The following PKIB variants were observed in gnomAD, a reference collection of about 807,000 sequenced individuals.
PKIB encodes the protein PKI-beta.
A neutral mutation model predicts 4.5 loss-of-function variants in PKIB; 2 were observed. The observed-to-expected ratio is 0.44, with a 90% CI of 0.18 to 1.39. The LOEUF (loss-of-function observed/expected upper bound fraction) is 1.39, where lower values mean the gene tolerates loss of function less well. Among genes scored for constraint, PKIB ranks in the 40% most tolerant of loss-of-function variants. PKIB has a pLI of 0.27. For synonymous variants in PKIB, 38 were observed against 36.0 expected (o/e 1.06, Z -0.20); for missense variants, 94 against 92.6 (o/e 1.02, Z -0.06).
chr6:122,705,449 A>T (rs928602064), intron 3 of PKIB, among the ~76,000 whole-genome samples: 5 of 152,124 alleles, frequency 3.3e-5, no homozygotes, highest in African/African-American at 1.2e-4. Context: ...ATTTTCATAT[A>T]AATTTTTGGA....
chr6:122,495,750 T>A (rs1776060409), intron 2 of PKIB, among the ~76,000 whole-genome samples: 1 of 152,126 alleles, frequency 6.6e-6, no homozygotes, highest in Non-Finnish European at 1.5e-5. Context: ...GCGGAAGTAC[T>A]CTCACATTGG....
At chr6:122,537,769 G>C (rs922660611) in intron 2 of PKIB, among the ~76,000 whole-genome samples, 2 of 152,066 alleles carry the variant, frequency 1.3e-5, no homozygotes. Flanking sequence ...TTCCACAATG[G>C]TTGAACTAGT....
chr6:122,617,038 A>G (rs1399792708), intron 1 of PKIB, among the ~76,000 whole-genome samples: 1 of 152,160 alleles, frequency 6.6e-6, no homozygotes, highest in Non-Finnish European at 1.5e-5. Flanking sequence ...GCTCAGTAAA[A>G]ATGCCCAGCT....
Position 122,685,905 on chromosome 6 carries a change from A to G in PKIB, c.-9+10761A>G, listed in dbSNP as rs1305617142. ...CTCCCACAAATAACTGAGAACATGC[A>G]AAGTTTGTCTTTCTGTGCCTGGCTT... is the stretch of plus-strand genomic sequence containing the variant. On this transcript the variant is annotated intron_variant, in intron 3 of 4. Transcript: ENST00000368452. Among the ~76,000 whole-genome samples, 5 of 152,154 alleles carry G rather than the reference A, an allele frequency of 3.3e-5. No individual in the cohort carries two copies. The East Asian group carries it at 9.6e-4, about 29-fold the overall frequency.
rs536387642 is a variant in PKIB, at chr6:122,614,574, T to C, written c.-161+4039T>C. The stretch of plus-strand genomic sequence containing the variant: ...ACTGTAGGCTTTCTTTTTTTTTGGA[T>C]AAAGTAAAGGGAGAACTGAAGTCCA... On this transcript the variant is annotated intron_variant, in intron 1 of 4. Coordinates refer to ENST00000368452, the MANE Select transcript of PKIB (RefSeq NM_181795.3). Among the ~76,000 whole-genome samples, 20 of 151,946 alleles carry C rather than the reference T, an allele frequency of 1.3e-4. No homozygotes were observed. In the South Asian group the frequency reaches 4.0e-3, roughly 30 times the overall value.
At chr6:122,505,143 C>T (rs1040859299) in intron 2 of PKIB, among the ~76,000 whole-genome samples, 15 of 152,260 alleles carry the variant, frequency 9.9e-5, no homozygotes, top group Non-Finnish European at 1.2e-4. Flanking sequence ...GTATCTTTAT[C>T]GGAGAGTAGT....
chr6:122,702,325 A>G (rs9385267), intron 3 of PKIB, among the ~76,000 whole-genome samples: 35,345 of 132,840 alleles, frequency 0.27, 4,834 homozygotes, highest in East Asian at 0.47. Context: ...TTTTAAAAAA[A>G]CTTTTTTTTT....
chr6:122,693,447 A>C (rs1486018533), intron 3 of PKIB, among the ~76,000 whole-genome samples: 2 of 152,254 alleles, frequency 1.3e-5, no homozygotes, highest in African/African-American at 2.4e-5. Flanking sequence ...TCATACTAAA[A>C]TTCTTCAGCA....
chr6:122,557,971 C>G (rs1339811999), intron 2 of PKIB, among the ~76,000 whole-genome samples: 1 of 152,166 alleles, frequency 6.6e-6, no homozygotes, highest in Non-Finnish European at 1.5e-5. Flanking sequence ...ACCCTCCAAG[C>G]TCCCGATTTT....
At chr6:122,604,625 G>A (rs1207574482) in intron 3 of PKIB, among the ~76,000 whole-genome samples, 1 of 152,124 alleles carries the variant, frequency 6.6e-6, no homozygotes, top group Non-Finnish European at 1.5e-5. Context: ...GCTTAATTTC[G>A]ATTTAATAAG....
At position 122,717,948 on chromosome 6, in the gene PKIB, C is replaced by T. The variant is rs141912516; in HGVS notation, c.154C>T (p.Leu52Phe). The stretch of plus-strand genomic sequence containing the variant: ...AGATTTGCCCCTCAAACTGGAGGCT[C>T]TCTCCGTGAAGGAAGGTAATACTCA... ...TSDLPLKLEA[L>F]SVKEDAKEKD... Residue 52 changes from leucine (L) to phenylalanine (F), a missense_variant, in exon 4 of 5, where the codon CTC (leucine) becomes TTC (phenylalanine). Coordinates refer to ENST00000368452, the MANE Select transcript of PKIB (RefSeq NM_181795.3). 6.2e-7 allele frequency: 1 copy of T among 1,613,430 alleles called. No individual in the cohort carries two copies. Among genetic ancestry groups the T allele is most frequent in the Non-Finnish European group, 8.5e-7 (1 of 1,179,496 alleles).
chr6:122,653,105 G>A (rs953168443), intron 2 of PKIB, among the ~76,000 whole-genome samples: 17 of 152,172 alleles, frequency 1.1e-4, no homozygotes, highest in African/African-American at 4.1e-4. Flanking sequence ...GGCTAGTCAG[G>A]AAGAATTCTA....
intron 2 of PKIB, among the ~76,000 whole-genome samples, chr6:122,485,495 T>C (rs1327301291): frequency 2.0e-5 from 3 of 152,144 alleles, no homozygotes; most frequent in Non-Finnish European, 4.4e-5. Context: ...ATGTCAGTGG[T>C]AAAAACAACA....
At chr6:122,540,813 T>TCCTTG (rs1486162495) in intron 2 of PKIB, among the ~76,000 whole-genome samples, 10 of 151,796 alleles carry the variant, frequency 6.6e-5, no homozygotes, top group South Asian at 6.2e-4. Flanking sequence ...TGTGTGGGAG[T>TCCTTG]CTAAGTCTCT....
At chr6:122,706,707 A>C (rs575922947) in intron 3 of PKIB, among the ~76,000 whole-genome samples, 15 of 152,280 alleles carry the variant, frequency 9.9e-5, no homozygotes, top group African/African-American at 3.6e-4. Flanking sequence ...TCACATGAAC[A>C]AATTCTCAAT....
chr6:122,472,991 A>C (rs1775348412), intron 1 of PKIB, among the ~76,000 whole-genome samples: 2 of 152,152 alleles, frequency 1.3e-5, no homozygotes, highest in Non-Finnish European at 2.9e-5. Flanking sequence ...ACGCGCATGT[A>C]ATCCCAGCTA....
chr6:122,588,565 G>A lies in PKIB; in HGVS notation c.-161+2558G>A, dbSNP rs1773922451. Among the ~76,000 whole-genome samples, 3 of 152,192 alleles carry A rather than the reference G, an allele frequency of 2.0e-5. No individual in the cohort carries two copies. In the South Asian group the frequency reaches 6.2e-4, roughly 32 times the overall value. ...ACAGTAACCAAAACAGCATGGTACTGGTACCAAAACAGAGATGTAGACCAA... is the reference window on the plus strand; with the variant it reads ...ACAGTAACCAAAACAGCATGGTACTAGTACCAAAACAGAGATGTAGACCAA... On this transcript the variant is annotated intron_variant, in intron 3 of 6. Coordinates refer to the PKIB transcript ENST00000392491.
In PKIB at chr6:122,486,939, A is replaced by G. The variant is rs202193821; in HGVS notation, c.-248+9000A>G. On this transcript the variant is annotated intron_variant, in intron 2 of 6. Coordinates refer to the PKIB transcript ENST00000392491. Reference sequence around the variant, plus strand: ...CTTTTGCCACACTTGCTGTCTGTCTATCTATCTATCTAACTACTATTTTCT... The same window carrying G: ...CTTTTGCCACACTTGCTGTCTGTCTGTCTATCTATCTAACTACTATTTTCT... Among the ~76,000 whole-genome samples, 568 of 74,750 alleles carry G rather than the reference A, an allele frequency of 7.6e-3. 17 individuals are homozygous for G. The South Asian group carries it at 0.09, about 12-fold the overall frequency. 49.0% of individuals were successfully genotyped at this position (74,750 alleles called of 152,430 possible). A position where few individuals can be genotyped will look rare whatever the true frequency, so the allele number is the denominator to read the frequency against.
chr6:122,525,453 T>C (rs1308548269), intron 2 of PKIB, among the ~76,000 whole-genome samples: 2 of 152,134 alleles, frequency 1.3e-5, no homozygotes, highest in African/African-American at 4.8e-5. Context: ...TCTGCTGCTG[T>C]TGGGTGGAAT....
Sources: allele counts gnomAD v4.1 joint callset (sites outside exome capture counted in the v4.1 genomes callset), GRCh38; gene constraint gnomAD v4.1.1; transcripts MANE v1.5; gene names NCBI Gene and HGNC (gene_info 2026-07-23, HGNC 2026-07-21).